The following CDH13 variants were observed in gnomAD, a reference collection of about 807,000 sequenced individuals.
CDH13 encodes the protein cadherin-13.
In CDH13, 24 loss-of-function variants were observed where a neutral mutation model predicts 63.8. That is an observed-to-expected ratio of 0.38 (90% CI 0.27 to 0.53). The LOEUF is 0.53. Among genes scored for constraint, CDH13 ranks in the 20% least tolerant of loss-of-function variants. The pLI is 0.85. For missense variants in CDH13, 1,049 were observed against 903.1 expected (o/e 1.16, Z -2.07); for synonymous variants, 503 against 355.3 (o/e 1.42, Z -4.67).
intron 6 of CDH13, 113 bp downstream of exon 6, chr16:83,345,119 C>G (rs779582981): frequency 8.0e-7 from 1 of 1,244,262 alleles, no homozygotes; most frequent in Non-Finnish European, 1.1e-6. Context: ...CTCGTATCAG[C>G]GTCGACTTAA....
chr16:83,697,899 C>T (rs1404391833), intron 10 of CDH13, among the ~76,000 whole-genome samples: 5 of 152,230 alleles, frequency 3.3e-5, no homozygotes, highest in East Asian at 1.9e-4. Context: ...TGCCCCGCCT[C>T]GGCCTCCCAA....
chr16:83,394,012 C>T (rs965673617), intron 6 of CDH13, among the ~76,000 whole-genome samples: 5 of 152,070 alleles, frequency 3.3e-5, no homozygotes, highest in East Asian at 1.9e-4. Flanking sequence ...ATCCAAATAC[C>T]GCCTGTTCTC....
intron 2 of CDH13, among the ~76,000 whole-genome samples, chr16:82,964,832 G>T (rs1303019472): frequency 6.6e-6 from 1 of 152,154 alleles, no homozygotes; most frequent in East Asian, 1.9e-4. Flanking sequence ...ACTGATCCTG[G>T]GTTTTTTTCT....
chr16:82,898,218 A>T (rs1306552209), intron 2 of CDH13, among the ~76,000 whole-genome samples: 1 of 152,246 alleles, frequency 6.6e-6, no homozygotes, highest in Non-Finnish European at 1.5e-5. Context: ...TATTAAGGTG[A>T]CATTAGACAA....
intron 2 of CDH13, among the ~76,000 whole-genome samples, chr16:82,867,125 T>G (rs139049781): frequency 6.6e-6 from 1 of 152,212 alleles, no homozygotes; most frequent in African/African-American, 2.4e-5. Context: ...AAAGGTACTC[T>G]CATCTGCCCA....
intron 3 of CDH13, among the ~76,000 whole-genome samples, chr16:83,049,279 T>C (rs2030005124): frequency 6.6e-6 from 1 of 150,712 alleles, no homozygotes; most frequent in African/African-American, 2.4e-5. Context: ...TTTTTATATA[T>C]AATATAAATG....
At chr16:82,989,196 T>C (rs72792128) in intron 2 of CDH13, among the ~76,000 whole-genome samples, 18,820 of 151,908 alleles carry the variant, frequency 0.12, 1,417 homozygotes, top group Middle Eastern at 0.19. Flanking sequence ...GCAGTGTGAG[T>C]AGCTGAAAAA....
At chr16:83,743,748 C>CCTTTTTTTTTTT (rs1912280138) in intron 10 of CDH13, among the ~76,000 whole-genome samples, 1 of 76,256 alleles carries the variant, frequency 1.3e-5, no homozygotes, top group African/African-American at 5.5e-5. Flanking sequence ...TTTCTTTTTT[C>CCTTTTTTTTTTT]TTTTTTTTTT....
intron 6 of CDH13, among the ~76,000 whole-genome samples, chr16:83,463,513 C>T (rs1242517416): frequency 1.3e-5 from 2 of 152,128 alleles, no homozygotes. Context: ...ATGAAAGTGG[C>T]ATGCAGGCCA....
At chr16:83,590,957 C>T (rs938739789) in intron 7 of CDH13, among the ~76,000 whole-genome samples, 1 of 132,484 alleles carries the variant, frequency 7.5e-6, no homozygotes, top group African/African-American at 2.9e-5. Context: ...GTTGCCCAGG[C>T]TGGAGTGCAG....
intron 5 of CDH13, among the ~76,000 whole-genome samples, chr16:83,275,255 A>T (rs969590421): frequency 6.6e-6 from 1 of 151,076 alleles, no homozygotes; most frequent in Non-Finnish European, 1.5e-5. Context: ...TAATATTGAC[A>T]TTCTTTTTTG....
At chr16:82,705,034 A>T (rs933989629) in intron 1 of CDH13, 1 of 416,606 alleles carries the variant, frequency 2.4e-6, no homozygotes. Flanking sequence ...ACGGGAAAAT[A>T]AACGGTTTCT....
At chr16:82,752,533 C>G (rs1597475824) in intron 1 of CDH13, among the ~76,000 whole-genome samples, 1 of 152,232 alleles carries the variant, frequency 6.6e-6, no homozygotes, top group East Asian at 1.9e-4. Context: ...GACATAAGCC[C>G]TAACTCTGAA....
intron 6 of CDH13, among the ~76,000 whole-genome samples, chr16:83,360,218 G>A (rs141204195): frequency 3.0e-4 from 45 of 152,282 alleles, no homozygotes; most frequent in Middle Eastern, 3.4e-3. Context: ...ACCATTCTTC[G>A]TCAAGATTAG....
At chr16:83,485,087 T>A (rs560798922) in intron 6 of CDH13, among the ~76,000 whole-genome samples, 2 of 152,326 alleles carry the variant, frequency 1.3e-5, no homozygotes, top group Admixed American at 6.5e-5. Flanking sequence ...ACCCATTAGA[T>A]CTACAGTCTT....
At chr16:83,622,738 T>G (rs1458479565) in intron 8 of CDH13, among the ~76,000 whole-genome samples, 2 of 152,238 alleles carry the variant, frequency 1.3e-5, no homozygotes, top group African/African-American at 4.8e-5. Flanking sequence ...TACTGCAGTT[T>G]CAGAATCATT....
chr16:82,875,433 A>T (rs1163147475), intron 2 of CDH13, among the ~76,000 whole-genome samples: 1 of 152,216 alleles, frequency 6.6e-6, no homozygotes, highest in African/African-American at 2.4e-5. Context: ...TCACAGGTTC[A>T]TCCAAAGACC....
At chr16:83,312,780 C>G (rs1276623197) in intron 5 of CDH13, among the ~76,000 whole-genome samples, 1 of 152,148 alleles carries the variant, frequency 6.6e-6, no homozygotes, top group Non-Finnish European at 1.5e-5. Flanking sequence ...CTCTTGCCTC[C>G]AAACCTAAAT....
At chr16:83,264,749 G>T (rs889173984) in intron 5 of CDH13, among the ~76,000 whole-genome samples, 18 of 146,448 alleles carry the variant, frequency 1.2e-4, no homozygotes, top group African/African-American at 1.5e-4. Flanking sequence ...CCTTTGGCTG[G>T]TTTTTTTTTT....
Sources: gnomAD v4.1 joint callset for allele counts (sites outside exome capture counted in the v4.1 genomes callset) on GRCh38, gnomAD v4.1.1 for gene constraint, MANE v1.5 for transcripts, NCBI Gene and HGNC (gene_info 2026-07-23, HGNC 2026-07-21) for gene names.